The following MACC1 variants were observed in gnomAD, a reference collection of about 807,000 sequenced individuals.
MACC1 encodes the protein metastasis-associated in colon cancer protein 1.
MACC1 carries 79 observed loss-of-function variants against 70.7 expected under a neutral mutation model. That is an observed-to-expected ratio of 1.12 (90% confidence interval 0.93 to 1.35). MACC1 has a LOEUF of 1.35. Among genes scored for constraint, MACC1 ranks in the 40% most tolerant of loss-of-function variants. The probability of loss-of-function intolerance (pLI) is 0.00; values close to 1 mark genes in which losing one functional copy is unlikely to be tolerated. For missense variants in MACC1, 1,106 were observed against 978.1 expected, an observed-to-expected ratio of 1.13 and a Z score of -1.74; for synonymous variants, 361 against 347.2, an observed-to-expected ratio of 1.04 and a Z score of -0.44.
intron 1 of MACC1, among the ~76,000 whole-genome samples, chr7:20,217,042 G>C (rs542535923): frequency 5.9e-5 from 9 of 152,028 alleles, no homozygotes; most frequent in Non-Finnish European, 1.3e-4. Flanking sequence ...ATGTGACCTG[G>C]GTTCCTCCTT....
At chr7:20,196,658 T>C (rs554868743) in intron 1 of MACC1, among the ~76,000 whole-genome samples, 2 of 152,206 alleles carry the variant, frequency 1.3e-5, no homozygotes, top group African/African-American at 2.4e-5. Flanking sequence ...ATGTAATATA[T>C]ATTATCATTA....
chr7:20,191,749 T>C (rs1782676709), intron 1 of MACC1, among the ~76,000 whole-genome samples: 1 of 152,162 alleles, frequency 6.6e-6, no homozygotes, highest in Non-Finnish European at 1.5e-5. Flanking sequence ...CTAACTAAAA[T>C]ACGGCTGGCA....
intron 1 of MACC1, among the ~76,000 whole-genome samples, chr7:20,180,145 C>G (rs1782479436): frequency 6.6e-6 from 1 of 151,992 alleles, no homozygotes. Flanking sequence ...AAAGTATGTT[C>G]AAAAATATAT....
chr7:20,157,785 A>G (rs181638247), intron 5 of MACC1, among the ~76,000 whole-genome samples: 2,345 of 149,584 alleles, frequency 0.016, 65 homozygotes, highest in African/African-American at 0.05. Flanking sequence ...AAAAAAAAAA[A>G]AAAGAAAGAA....
chr7:20,179,915 C>T, intron 1 of MACC1, among the ~76,000 whole-genome samples: 1 of 152,184 alleles, frequency 6.6e-6, no homozygotes, highest in Non-Finnish European at 1.5e-5. Context: ...TGTATTTCTG[C>T]TCCAATTCTG....
chr7:20,212,202 G>C lies in MACC1; in HGVS notation c.-218+5097C>G, dbSNP rs138439564. Among the ~76,000 whole-genome samples the C allele has an allele frequency of 2.2e-4, 33 of 152,248 alleles. 1 individual carries two copies. The highest frequency in any genetic ancestry group is 7.5e-4 in the African/African-American group (31 of 41,550). On this transcript the variant is annotated intron_variant, in intron 1 of 6. Coordinates refer to ENST00000400331, the MANE Select transcript of MACC1 (RefSeq NM_182762.4). ...CTTAAACTGGGAGGTGAGTACATAA[G>C]TCTTTGCAATATCTATCTTTAAATG...
At chr7:20,195,918 C>T (rs990327654) in intron 1 of MACC1, among the ~76,000 whole-genome samples, 5 of 152,144 alleles carry the variant, frequency 3.3e-5, no homozygotes, top group Non-Finnish European at 7.4e-5. Context: ...TGTCTTATTG[C>T]CATGAAGAGT....
rs143031820 is a variant in MACC1, at chr7:20,181,601, C to T, written c.-217-10823G>A. On this transcript the variant is annotated intron_variant, in intron 1 of 6. Transcript: ENST00000400331. Reference sequence around the variant, plus strand: ...CCATATTGAATTTCATAAAAATATGCCAACAACCTAGAAATAGATGAAAAT... The same window carrying T: ...CCATATTGAATTTCATAAAAATATGTCAACAACCTAGAAATAGATGAAAAT... Among the ~76,000 whole-genome samples, 615 of 152,046 alleles carry T rather than the reference C, an allele frequency of 4.0e-3. 6 individuals carry two copies. Among genetic ancestry groups the T allele is most frequent in the South Asian group, 0.025 (120 of 4,818 alleles).
rs148908299 is a variant in MACC1, at chr7:20,149,709, G to A, written c.2346+4484C>T. Among the ~76,000 whole-genome samples, 38 of 152,236 alleles carry A rather than the reference G, an allele frequency of 2.5e-4. 1 individual carries two copies. Among genetic ancestry groups the A allele is most frequent in the African/African-American group, 8.4e-4 (35 of 41,538 alleles). ...CTCCCCTCCAGGCCACATCTTCTCA[G>A]TGGTCCCTAGAGCTCACTGATATTT... On this transcript the variant is annotated intron_variant, in intron 6 of 6. Transcript: ENST00000400331.
At chr7:20,184,570 T>C (rs145178170) in intron 1 of MACC1, among the ~76,000 whole-genome samples, 166 of 152,378 alleles carry the variant, frequency 1.1e-3, no homozygotes, top group African/African-American at 3.8e-3. Flanking sequence ...AATAAATTTC[T>C]TGCATTTATA....
chr7:20,208,619 A>G (rs1782949975), intron 1 of MACC1, among the ~76,000 whole-genome samples: 1 of 152,352 alleles, frequency 6.6e-6, no homozygotes, highest in Middle Eastern at 3.4e-3. Flanking sequence ...GCAACGCATA[A>G]AAGTTTGGAA....
Position 20,136,898 on chromosome 7 carries a change from TATTA to T in MACC1, c.*4044_*4047del, listed in dbSNP as rs1366119499. The stretch of plus-strand genomic sequence containing the variant: ...TATTAATTATAATATTAAATTATAT[TATTA>T]ATTCTTAAAGATTATTAATTATAAT... On this transcript the variant is annotated 3_prime_UTR_variant, in exon 7 of 7. Transcript: ENST00000400331. 2 of 147,950 alleles carry T rather than the reference TATTA, an allele frequency of 1.4e-5. No individual in the cohort carries two copies. Among genetic ancestry groups the T allele is most frequent in the African/African-American group, 2.4e-5 (1 of 40,868 alleles). 9.2% of individuals were successfully genotyped at this position (147,950 alleles called of 1,614,324 possible).
chr7:20,167,680 G>A (rs1421075886), intron 2 of MACC1, among the ~76,000 whole-genome samples: 3 of 151,432 alleles, frequency 2.0e-5, no homozygotes, highest in Non-Finnish European at 4.4e-5. Context: ...CAGAGGAAGC[G>A]AAATTTGAGA....
At chr7:20,160,658 A>C (rs1373435478) in intron 4 of MACC1, among the ~76,000 whole-genome samples, 1 of 152,128 alleles carries the variant, frequency 6.6e-6, no homozygotes, top group South Asian at 2.1e-4. Flanking sequence ...TCAATTATCC[A>C]TATTTTTCTA....
In MACC1 at chr7:20,158,739, G is replaced by A. The variant is rs1251869518; in HGVS notation, c.1622C>T (p.Pro541Leu). Reference sequence around the variant, plus strand: ...GTTCAATGTTTTATCTTGAAATGTAGGATATTTAACAAGAATTTTTGGTGA... The same window carrying A: ...GTTCAATGTTTTATCTTGAAATGTAAGATATTTAACAAGAATTTTTGGTGA... The part of the protein sequence containing the change: ...PLSPKILVKY[P>L]TFQDKTLNFS... Residue 541 changes from proline to leucine, a missense_variant, in exon 5 of 7, where the codon CCT becomes CTT. Physicochemically the swap from Pro to Leu is moderately conservative, Grantham distance 98. Coordinates refer to ENST00000400331, the MANE Select transcript of MACC1 (RefSeq NM_182762.4). 6.2e-7 allele frequency: 1 copy of A among 1,613,918 alleles called. No homozygotes were observed. Among genetic ancestry groups the A allele is most frequent in the South Asian group, 1.1e-5 (1 of 91,072 alleles).
chr7:20,184,094 T>C (rs1000809439), intron 1 of MACC1, among the ~76,000 whole-genome samples: 5 of 152,220 alleles, frequency 3.3e-5, no homozygotes, highest in African/African-American at 1.2e-4. Context: ...GTTCCAACAC[T>C]GTAGTCATTT....
intron 1 of MACC1, among the ~76,000 whole-genome samples, chr7:20,206,345 G>T (rs1026645525): frequency 6.6e-6 from 1 of 151,944 alleles, no homozygotes; most frequent in Non-Finnish European, 1.5e-5. Flanking sequence ...TTCCAGTGAC[G>T]TTCAAAGGAC....
intron 6 of MACC1, among the ~76,000 whole-genome samples, chr7:20,152,336 T>A (rs575831525): frequency 6.6e-6 from 1 of 152,132 alleles, no homozygotes; most frequent in Non-Finnish European, 1.5e-5. Flanking sequence ...CCAGAACTAA[T>A]ATCAGTGTGC....
intron 1 of MACC1, among the ~76,000 whole-genome samples, chr7:20,215,230 A>G (rs1416229149): frequency 6.6e-6 from 1 of 152,162 alleles, no homozygotes; most frequent in Non-Finnish European, 1.5e-5. Flanking sequence ...TGAATGACTA[A>G]TGAATTAGCA....
Sources: gnomAD v4.1 joint callset for allele counts (sites outside exome capture counted in the v4.1 genomes callset) on GRCh38, gnomAD v4.1.1 for gene constraint, MANE v1.5 for transcripts, NCBI Gene and HGNC (gene_info 2026-07-23, HGNC 2026-07-21) for gene names.